Variants in PXK observed in about 807,000 individuals in gnomAD.
PXK encodes PX domain containing serine/threonine kinase like.
Under a neutral mutation model 84.7 loss-of-function variants are expected in PXK, and 35 were observed. The ratio of observed to expected loss-of-function variants is 0.41; its 90% CI spans 0.32 to 0.55. PXK has a LOEUF of 0.55. Among genes scored for constraint, PXK ranks in the 20% least tolerant of loss-of-function variants. The pLI is 0.21. For missense variants in PXK, 634 were observed against 699.7 expected, an observed-to-expected ratio of 0.91 and a Z score of 1.06; for synonymous variants, 253 against 260.8, an observed-to-expected ratio of 0.97 and a Z score of 0.29.
rs1276974439 is a variant in PXK, at chr3:58,390,640, G to A, written c.447G>A (p.Val149=). 2 of 1,612,340 alleles carry A rather than the reference G, an allele frequency of 1.2e-6. No individual in the cohort carries two copies. Among genetic ancestry groups the A allele is most frequent in the Non-Finnish European group, 1.7e-6 (2 of 1,178,972 alleles). Residue 149 remains valine (V), a synonymous_variant, in exon 5 of 18, where the codon GTG becomes GTA. Coordinates refer to ENST00000356151, the MANE Select transcript of PXK (RefSeq NM_017771.5). This position sits in a 1 kb window ranked among gnomAD's most constrained non-coding sequence, Gnocchi z 4.2. ...FFRSEPKWEV[V]EPLKDIGWRI... ...GATCAGAACCAAAGTGGGAGGTGGT[G>A]GAACCTTTGAAAGACATAGGTGAGA...
chr3:58,349,804 C>G (rs1429568469), intron 1 of PXK, among the ~76,000 whole-genome samples: 2 of 152,196 alleles, frequency 1.3e-5, no homozygotes, highest in Non-Finnish European at 2.9e-5. Flanking sequence ...TCAGTAGTCC[C>G]TTGTGCATAG....
At chr3:58,424,641 T>G in intron 17 of PXK, 111 bp from the exon 18 acceptor site, 93 of 1,424,138 alleles carry the variant, frequency 6.5e-5, no homozygotes, top group Non-Finnish European at 7.5e-5. Context: ...TTGGTCCCTC[T>G]GAGAAAAACA....
intron 1 of PXK, among the ~76,000 whole-genome samples, chr3:58,361,295 CAAA>C (rs149879171): frequency 9.9e-4 from 64 of 64,758 alleles, no homozygotes; most frequent in Middle Eastern, 0.015. Flanking sequence ...GACTCTGTCT[CAAA>C]AAAAAAAAAA....
chr3:58,411,792 A>C lies in PXK; in HGVS notation c.1466-1109A>C, dbSNP rs1477836752. Among the ~76,000 whole-genome samples the C allele has an allele frequency of 6.6e-6, 1 of 152,150 alleles. No homozygotes were observed. The highest frequency in any genetic ancestry group is 2.4e-5 in the African/African-American group (1 of 41,426). ...CAAGCAGTGAAGCTTCTCCCCATTA[A>C]AGTTCATTAGCACTACGAACAGTAT... On this transcript the variant is annotated intron_variant, in intron 16 of 17. Coordinates refer to ENST00000356151, the MANE Select transcript of PXK (RefSeq NM_017771.5). This position sits in a 1 kb window ranked among gnomAD's most constrained non-coding sequence, Gnocchi z 4.2.
In PXK at chr3:58,403,882, T is replaced by G. The variant is rs373867698; in HGVS notation, c.1202T>G (p.Leu401Arg). The change falls in exon 13 of 18, where the codon CTA (leucine) becomes CGA (arginine). Residue 401 changes from leucine (L) to arginine (R), a missense_variant. Coordinates refer to ENST00000356151, the MANE Select transcript of PXK (RefSeq NM_017771.5). The part of the protein sequence containing the change: ...LQMPLFSDVL[L>R]TTSEKPQFKI... Reference sequence around the variant, plus strand: ...TACAGATTATTCAGCGATGTTTTACTAACCACTTCTGAAAAACCACAGTTT... The same window carrying G: ...TACAGATTATTCAGCGATGTTTTACGAACCACTTCTGAAAAACCACAGTTT... 6.5e-7 allele frequency: 1 copy of G among 1,545,940 alleles called. No individual in the cohort carries two copies. The highest frequency in any genetic ancestry group is 1.3e-5 in the South Asian group (1 of 78,242).
Position 58,333,243 on chromosome 3 carries a change from G to A in PXK, c.102+153G>A. ...CCGAGAAGGCTGTGGCGCGCCGCTG[G>A]GTCTGGGTCAGGGCCCCTGGGGCCC... On this transcript the variant is annotated intron_variant, in intron 1 of 17. Coordinates refer to ENST00000356151, the MANE Select transcript of PXK (RefSeq NM_017771.5). This position sits in a 1 kb window ranked among gnomAD's most constrained non-coding sequence, Gnocchi z 5.4. 2.9e-6 allele frequency: 1 copy of A among 348,598 alleles called. No homozygotes were observed. The allele number at this position is 348,598 out of a possible 1,614,324, so 21.6% of individuals were successfully genotyped here.
intron 1 of PXK, among the ~76,000 whole-genome samples, chr3:58,346,486 G>A (rs930977666): frequency 2.2e-4 from 34 of 152,046 alleles, no homozygotes; most frequent in African/African-American, 7.7e-4. Flanking sequence ...GTAGTACAAG[G>A]TAGATGAAGG....
rs530916502 is a variant in PXK, at chr3:58,424,353, A to G, written c.1529-399A>G. ...GCCCAACTCCATCATGCAGATGTCTATCTTTAATTGCTAGCTCAGAAGCAG... is the reference window on the plus strand; with the variant it reads ...GCCCAACTCCATCATGCAGATGTCTGTCTTTAATTGCTAGCTCAGAAGCAG... On this transcript the variant is annotated intron_variant, in intron 17 of 17. Transcript: ENST00000356151. 2.7e-4 allele frequency among the ~76,000 whole-genome samples: 41 copies of G among 152,326 alleles called. No individual in the cohort carries two copies. In the South Asian group the frequency reaches 7.5e-3, roughly 28 times the overall value.
At chr3:58,423,719 A>G (rs1455444369) in intron 17 of PXK, among the ~76,000 whole-genome samples, 1 of 152,204 alleles carries the variant, frequency 6.6e-6, no homozygotes, top group Non-Finnish European at 1.5e-5. Context: ...ACAGCATCTG[A>G]CAGAGTCTCA....
At chr3:58,393,331 G>A (rs1193635691) in intron 7 of PXK, among the ~76,000 whole-genome samples, 3 of 152,004 alleles carry the variant, frequency 2.0e-5, no homozygotes, top group Non-Finnish European at 4.4e-5. Context: ...CTGGGCAACA[G>A]AGCAGACTCC....
Position 58,382,583 on chromosome 3 carries a change from GA to G in PXK, c.274del (p.Arg92GlyfsTer11). 6.2e-7 allele frequency: 1 copy of G among 1,605,314 alleles called. No homozygotes were observed. Among genetic ancestry groups the G allele is most frequent in the Non-Finnish European group, 8.5e-7 (1 of 1,177,150 alleles). ...IGNMDREFIA[E>X]RQKGLQNYLN... ...TAACATGGATCGTGAATTCATAGCT[GA>G]AAGGCAGAAAGGTCTTCAGAACTAT... On this transcript the variant is annotated frameshift_variant, in exon 4 of 18. Transcript: ENST00000356151. LOFTEE classifies it high-confidence loss of function.
rs1199107976 is a variant in PXK at position 58,370,913 on chromosome 3, G to T, written c.201+1435G>T. Among the ~76,000 whole-genome samples, 1 of 152,160 alleles carries T rather than the reference G, an allele frequency of 6.6e-6. No homozygotes were observed. Among genetic ancestry groups the T allele is most frequent in the Non-Finnish European group, 1.5e-5 (1 of 68,026 alleles). ...CTCAGGGGGCTGAGGCAGGAGAACC[G>T]CCTGAACCCAGGAGGGGGAGGTTGC... On this transcript the variant is annotated intron_variant, in intron 3 of 17. Coordinates refer to ENST00000356151, the MANE Select transcript of PXK (RefSeq NM_017771.5). The surrounding 1 kb of genome is among the most constrained non-coding windows in gnomAD (Gnocchi z 4.2).
rs775379847 is a variant in PXK, at chr3:58,416,831, C to T, written c.1528+3868C>T. ...AGAGATGGGGTTTCACTACGTTGGC[C>T]AGGCTGGTCTTGAACTCCTGACCTC... On this transcript the variant is annotated intron_variant, in intron 17 of 17. Transcript: ENST00000356151. The surrounding 1 kb of genome is among the most constrained non-coding windows in gnomAD (Gnocchi z 4.8). Among the ~76,000 whole-genome samples, 1 of 152,080 alleles carries T rather than the reference C, an allele frequency of 6.6e-6. No homozygotes were observed. Among genetic ancestry groups the T allele is most frequent in the Non-Finnish European group, 1.5e-5 (1 of 68,026 alleles).
chr3:58,403,885 C>G lies in PXK; in HGVS notation c.1205C>G (p.Thr402Ser). 1 of 1,543,168 alleles carries G rather than the reference C, an allele frequency of 6.5e-7. No individual in the cohort carries two copies. The highest frequency in any genetic ancestry group is 8.8e-7 in the Non-Finnish European group (1 of 1,134,806). ...QMPLFSDVLL[T>S]TSEKPQFKIP... ...AGATTATTCAGCGATGTTTTACTAA[C>G]CACTTCTGAAAAACCACAGTTTAAG... Residue 402 changes from threonine (T) to serine (S), a missense_variant, in exon 13 of 18, where the codon ACC becomes AGC. By Grantham distance (58) the Thr-to-Ser change is moderately conservative (BLOSUM62 1). This residue lies in a region of PXK where 273 missense variants were observed against 283.6 expected (regional missense o/e 0.96). Coordinates refer to ENST00000356151, the MANE Select transcript of PXK (RefSeq NM_017771.5).
At chr3:58,402,435 CTTTTTTT>C (rs751026027) in intron 12 of PXK, among the ~76,000 whole-genome samples, 1 of 142,678 alleles carries the variant, frequency 7.0e-6, no homozygotes, top group South Asian at 2.2e-4. Context: ...CTTTTCTTTT[CTTTTTTT>C]TTTTTTAGAT....
intron 3 of PXK, among the ~76,000 whole-genome samples, chr3:58,373,914 C>G (rs570362662): frequency 1.3e-4 from 20 of 151,498 alleles, no homozygotes; most frequent in East Asian, 1.2e-3. Context: ...GCGTGGTGGC[C>G]GGCGCCTGTA....
intron 1 of PXK, among the ~76,000 whole-genome samples, chr3:58,351,085 G>A (rs2097913405): frequency 6.6e-6 from 1 of 152,122 alleles, no homozygotes; most frequent in Admixed American, 6.5e-5. Flanking sequence ...GTACTGATGA[G>A]TAGTAAAATG....
At chr3:58,415,376 G>A (rs2060803264) in intron 17 of PXK, among the ~76,000 whole-genome samples, 1 of 152,196 alleles carries the variant, frequency 6.6e-6, no homozygotes, top group Non-Finnish European at 1.5e-5. Context: ...AGTTCCCACC[G>A]TTAATTTGCT....
At chr3:58,395,810 T>G in intron 9 of PXK, 51 bp downstream of exon 9, 1 of 1,464,660 alleles carries the variant, frequency 6.8e-7, no homozygotes, top group Non-Finnish European at 9.5e-7. Context: ...CAAAATTGCA[T>G]TATTCACCTG....
Sources: gnomAD v4.1 joint callset for allele counts (sites outside exome capture counted in the v4.1 genomes callset) on GRCh38, gnomAD v4.1.1 for gene constraint, gnomAD v4.1.1 regional missense constraint, Gnocchi (gnomAD v3.1) non-coding constraint, MANE v1.5 for transcripts, NCBI Gene and HGNC (gene_info 2026-07-23, HGNC 2026-07-21) for gene names.